NKAIN4: variants seen among roughly 807,000 people sequenced by gnomAD.
The protein encoded by NKAIN4 is sodium/potassium-transporting ATPase subunit beta-1-interacting protein 4.
NKAIN4 carries 28 observed loss-of-function variants against 28.8 expected under a neutral mutation model. The observed-to-expected ratio is 0.97, with a 90% CI of 0.72 to 1.33. The LOEUF (loss-of-function observed/expected upper bound fraction) is 1.33. Among genes scored for constraint, NKAIN4 ranks in the 40% most tolerant of loss-of-function variants. The probability of loss-of-function intolerance (pLI) is 0.00; values close to 1 mark genes in which losing one functional copy is unlikely to be tolerated. For synonymous variants in NKAIN4, 122 were observed against 115.6 expected (o/e 1.06, Z -0.36); for missense variants, 289 against 277.2 (o/e 1.04, Z -0.30).
intron 3 of NKAIN4, 146 bp downstream of exon 3, chr20:63,248,669 G>C: frequency 1.6e-6 from 1 of 642,018 alleles, no homozygotes; most frequent in East Asian, 2.8e-5. Context: ...ACAGACCAGG[G>C]CTGTTCTGGG....
Position 63,248,853 on chromosome 20 carries a change from T to C in NKAIN4, c.235A>G (p.Ile79Val), listed in dbSNP as rs141264539. ...CCGACTTCCAGGTAGAAGCAGATGA[T>C]GAAGACGTTCCAGGTGACCCAGACG... ...AAVWVTWNVFIICFYLEVGGL... is the reference protein window; with the variant it reads ...AAVWVTWNVFVICFYLEVGGL... Residue 79 changes from isoleucine (I) to valine (V), a missense_variant, in exon 3 of 7, where the codon ATC becomes GTC. Transcript: ENST00000370316. 320 of 1,612,850 alleles carry C rather than the reference T, an allele frequency of 2.0e-4. 1 individual carries two copies. The highest frequency in any genetic ancestry group is 4.9e-4 in the Middle Eastern group (3 of 6,084).
At chr20:63,248,613 A>C in intron 3 of NKAIN4, 2 of 546,548 alleles carry the variant, frequency 3.7e-6, no homozygotes, top group South Asian at 2.2e-5. Context: ...TTCTTTCACC[A>C]ATCAAATCAC....
At chr20:63,248,938 C>G (rs1225653764) in intron 2 of NKAIN4, 43 bp from the exon 3 acceptor site, 1 of 1,339,534 alleles carries the variant, frequency 7.5e-7, no homozygotes, top group Non-Finnish European at 1.1e-6. Context: ...ACACAGCTCC[C>G]GGGCACACCT....
rs1040185045 is a variant in NKAIN4, at chr20:63,247,815, G to C, written c.274-40C>G. ...CAGGAGCAGGGCCGGTTAGCACCAG[G>C]AGGTGGGCGGCCTCACCCACTGCAG... On this transcript the variant is annotated intron_variant, in intron 3 of 6. Coordinates refer to ENST00000370316, the MANE Select transcript of NKAIN4 (RefSeq NM_152864.4). 1.7e-5 allele frequency: 24 copies of C among 1,421,292 alleles called. No individual in the cohort carries two copies. In the Middle Eastern group the frequency reaches 7.3e-4, roughly 43 times the overall value. 88.0% of individuals were successfully genotyped at this position (1,421,292 alleles called of 1,614,324 possible).
intron 1 of NKAIN4, among the ~76,000 whole-genome samples, chr20:63,250,835 C>A (rs1309808041): frequency 6.6e-6 from 1 of 152,160 alleles, no homozygotes; most frequent in East Asian, 1.9e-4. Context: ...AGCTCCTTCC[C>A]ACGTGCTGGT....
Position 63,245,977 on chromosome 20 carries a change from G to C in NKAIN4, c.471+1601C>G, listed in dbSNP as rs866446477. ...GAGTCTCGCTCTGTCACCCAGGCTG[G>C]AGTGCAGTGGCGTGATCTCTGCTCA... On this transcript the variant is annotated intron_variant, in intron 4 of 6. Coordinates refer to ENST00000370316, the MANE Select transcript of NKAIN4 (RefSeq NM_152864.4). This position sits in a 1 kb window ranked among gnomAD's most constrained non-coding sequence, Gnocchi z 4.7. Among the ~76,000 whole-genome samples, 2 of 151,444 alleles carry C rather than the reference G, an allele frequency of 1.3e-5. No individual in the cohort carries two copies. The highest frequency in any genetic ancestry group is 2.9e-5 in the Non-Finnish European group (2 of 67,890).
chr20:63,253,611 G>A (rs981234086), intron 1 of NKAIN4: 12 of 733,290 alleles, frequency 1.6e-5, no homozygotes, highest in Non-Finnish European at 2.0e-5. Context: ...AGCTTCCCCA[G>A]CCTGGACAGG....
chr20:63,245,369 G>A lies in NKAIN4; in HGVS notation c.472-1285C>T, dbSNP rs887259761. On this transcript the variant is annotated intron_variant, in intron 4 of 6. Coordinates refer to ENST00000370316, the MANE Select transcript of NKAIN4 (RefSeq NM_152864.4). The surrounding 1 kb of genome is among the most constrained non-coding windows in gnomAD (Gnocchi z 4.7). ...AAGGAGCCCAAGACGCCCCCATCCCGGAGCTGGCCGTGGCGCCGAACAGGC... is the reference window on the plus strand; with the variant it reads ...AAGGAGCCCAAGACGCCCCCATCCCAGAGCTGGCCGTGGCGCCGAACAGGC... Among the ~76,000 whole-genome samples the A allele has an allele frequency of 7.9e-5, 12 of 151,974 alleles. No homozygotes were observed. The highest frequency in any genetic ancestry group is 2.6e-4 in the Admixed American group (4 of 15,260).
chr20:63,242,258 C>T (rs2066767752), intron 6 of NKAIN4, among the ~76,000 whole-genome samples: 2 of 152,134 alleles, frequency 1.3e-5, no homozygotes, highest in Admixed American at 1.3e-4. Context: ...CGGCCCCCGA[C>T]TCAGAGCCGA....
At position 63,252,463 on chromosome 20, in the gene NKAIN4, A is replaced by C. The variant is rs1215942891; in HGVS notation, c.54+1934T>G. Among the ~76,000 whole-genome samples the C allele has an allele frequency of 7.4e-6, 1 of 134,936 alleles. No homozygotes were observed. The highest frequency in any genetic ancestry group is 1.7e-5 in the Non-Finnish European group (1 of 58,804). The allele number at this position is 134,936 out of a possible 152,430, so 88.5% of individuals were successfully genotyped here. On this transcript the variant is annotated intron_variant, in intron 1 of 6. Transcript: ENST00000370316. This position sits in a 1 kb window ranked among gnomAD's most constrained non-coding sequence, Gnocchi z 4.6. ...GTAACACAAAATTCTCACACTTGTCAAAAAAAAAAAGGGGCTATCCAACAA... is the reference window on the plus strand; with the variant it reads ...GTAACACAAAATTCTCACACTTGTCCAAAAAAAAAAGGGGCTATCCAACAA...
In NKAIN4 at chr20:63,241,086, T is replaced by C. The variant is rs2066741959; in HGVS notation, c.*411A>G. On this transcript the variant is annotated 3_prime_UTR_variant, in exon 7 of 7. Transcript: ENST00000370316. ...GGTCTCGGGCCTCACATTGACTTCC[T>C]GGGGAGGCTGCATCCCAGCAGCAGT... 4.6e-6 allele frequency: 1 copy of C among 218,406 alleles called. No individual in the cohort carries two copies. The highest frequency in any genetic ancestry group is 9.2e-6 in the Non-Finnish European group (1 of 108,138). 13.5% of individuals were successfully genotyped at this position (218,406 alleles called of 1,614,324 possible).
At chr20:63,254,471 G>A (rs1177501099), upstream of NKAIN4, 17 of 1,303,114 alleles carry the variant, frequency 1.3e-5, no homozygotes, top group Non-Finnish European at 1.6e-5. Flanking sequence ...TATACAGGAG[G>A]CCCCCGGGTG....
At chr20:63,247,172 C>A in intron 4 of NKAIN4, 3 of 1,125,936 alleles carry the variant, frequency 2.7e-6, no homozygotes, top group Non-Finnish European at 3.3e-6. Context: ...TTCCTGTGAC[C>A]GGCATGGGCT....
chr20:63,243,951 G>C, intron 5 of NKAIN4, 73 bp downstream of exon 5: 1 of 1,323,800 alleles, frequency 7.6e-7, no homozygotes, highest in Admixed American at 1.9e-5. Flanking sequence ...CCTTGCCCCA[G>C]ACGGGACAGA....
chr20:63,246,596 T>C (rs1247578403), intron 4 of NKAIN4: 7 of 985,260 alleles, frequency 7.1e-6, no homozygotes, highest in Non-Finnish European at 8.4e-6. Context: ...CCGCCGGCCA[T>C]GGAGCCTCGC....
intron 6 of NKAIN4, 165 bp from the exon 7 acceptor site, chr20:63,241,671 GC>G (rs1359655209): frequency 4.2e-6 from 3 of 719,756 alleles, no homozygotes; most frequent in Non-Finnish European, 7.7e-6. Flanking sequence ...GCTCTGGAAA[GC>G]CCCCACTGCC....
intron 4 of NKAIN4, 185 bp downstream of exon 4, chr20:63,247,393 G>A: frequency 6.5e-7 from 1 of 1,531,262 alleles, no homozygotes; most frequent in Non-Finnish European, 8.7e-7. Flanking sequence ...GAGGCACTGA[G>A]GTGCCAGCCA....
At chr20:63,244,535 T>C (rs1214297753) in intron 4 of NKAIN4, 2 of 472,022 alleles carry the variant, frequency 4.2e-6, no homozygotes, top group Admixed American at 4.7e-5. Flanking sequence ...GAGCAAGCCA[T>C]CTGGGATTCT....
Position 63,253,951 on chromosome 20 carries a change from A to G in NKAIN4, c.54+446T>C, listed in dbSNP as rs186416769. ...CAGCCTCCGTCATCGCCCCACCCGA[A>G]TCTCAGAATCGGAACTTGGCCGCTC... On this transcript the variant is annotated intron_variant, in intron 1 of 6. Transcript: ENST00000370316. The G allele has an allele frequency of 6.1e-3, 966 of 159,140 alleles. 10 individuals carry two copies. The highest frequency in any genetic ancestry group is 0.022 in the African/African-American group (909 of 41,600). The allele number at this position is 159,140 out of a possible 1,614,324, so 9.9% of individuals were successfully genotyped here.
Sources: allele counts gnomAD v4.1 joint callset (sites outside exome capture counted in the v4.1 genomes callset), GRCh38; gene constraint gnomAD v4.1.1; non-coding constraint Gnocchi (gnomAD v3.1); transcripts MANE v1.5; gene names NCBI Gene and HGNC (gene_info 2026-07-23, HGNC 2026-07-21).